ZNF43: variants seen among roughly 807,000 people sequenced by gnomAD.
ZNF43 encodes the protein zinc finger protein 43.
A neutral mutation model predicts 68.4 loss-of-function variants in ZNF43; 44 were observed. The ratio of observed to expected loss-of-function variants is 0.64; its 90% CI spans 0.51 to 0.83. ZNF43 has a LOEUF of 0.83. Ranked by LOEUF, ZNF43 falls within the 40% of genes least tolerant of loss-of-function variation. ZNF43 has a pLI of 0.00. For synonymous variants in ZNF43, 308 were observed against 307.8 expected, an observed-to-expected ratio of 1.00 and a Z score of -0.01; for missense variants, 896 against 933.2, an observed-to-expected ratio of 0.96 and a Z score of 0.52.
At chr19:21,810,545 G>A (rs2037225674) in intron 3 of ZNF43, among the ~76,000 whole-genome samples, 1 of 152,124 alleles carries the variant, frequency 6.6e-6, no homozygotes, top group South Asian at 2.1e-4. Context: ...CACAGACAAA[G>A]GAGACTTAAC....
upstream of ZNF43, chr19:21,841,021 T>C (rs1269959198): frequency 1.3e-5 from 2 of 152,206 alleles, no homozygotes; most frequent in Non-Finnish European, 2.9e-5. Context: ...CGTGTGAGGG[T>C]GACAATGCTA....
chr19:21,826,898 T>C (rs915573192), intron 1 of ZNF43: 1 of 152,444 alleles, frequency 6.6e-6, no homozygotes, highest in Non-Finnish European at 1.5e-5. Context: ...CCGAGAGTTT[T>C]CATCGTGCAT....
chr19:21,819,129 C>T lies in ZNF43; in HGVS notation c.96G>A (p.Val32=), dbSNP rs375346815. The change falls in exon 2 of 4, where the codon GTG becomes GTA. Residue 32 remains valine (V), a synonymous_variant. Transcript: ENST00000354959. ...CCAGGTTTCTGTAGTTCTCTAACAT[C>T]ACATTCCTATATAAATTCTGCTGTG... ...DIAQQNLYRN[V]MLENYRNLVF... is the part of the protein sequence containing the mutation. 6.2e-6 allele frequency: 10 copies of T among 1,611,724 alleles called. No individual in the cohort carries two copies. In the African/African-American group the frequency reaches 9.4e-5, roughly 15 times the overall value.
rs1438714768 is a variant in ZNF43, at chr19:21,817,886, A to G, written c.229+2T>C. On this transcript the variant is annotated splice_donor_variant, in intron 3 of 3. Transcript: ENST00000354959. LOFTEE classifies it high-confidence loss of function. ...GTTGTATTCACTTTCACTCTCACCT[A>G]CCTGGGGGTTTGGCTACCATTTCAT... The G allele has an allele frequency of 6.2e-7, 1 of 1,612,068 alleles. No homozygotes were observed. The highest frequency in any genetic ancestry group is 8.5e-7 in the Non-Finnish European group (1 of 1,178,592).
At position 21,807,880 on chromosome 19, in the gene ZNF43, T is replaced by G; in HGVS notation, c.2157A>C (p.Ser719=). The G allele has an allele frequency of 6.2e-7, 1 of 1,613,286 alleles. No homozygotes were observed. The change falls in exon 4 of 4, where the codon TCA becomes TCC. Residue 719 remains serine (S), a synonymous_variant. Transcript: ENST00000354959. ...GAATTTTCTTATGTTCAATAAGGTT[T>G]GAGGATCGGTTAAAAGCTTTGCCAC... is the stretch of plus-strand genomic sequence containing the variant. ...EKCGKAFNRS[S]NLIEHKKIHT... is the part of the protein sequence containing the mutation.
At position 21,836,052 on chromosome 19, in the gene ZNF43, G is replaced by C. The variant is rs199980670; in HGVS notation, c.-14C>G. On this transcript the variant is annotated 5_prime_UTR_variant, in exon 1 of 4. Coordinates refer to ENST00000354959, the MANE Select transcript of ZNF43 (RefSeq NM_003423.4). ...CACTCTCACCATTTCTAGGCTTCCG[G>C]GGGGTCCTGGCGTCTTAGCTGTGGA... is the stretch of plus-strand genomic sequence containing the variant. 3.7e-4 allele frequency: 594 copies of C among 1,613,942 alleles called. 2 individuals are homozygous for C. The highest frequency in any genetic ancestry group is 8.0e-5 in the Non-Finnish European group (94 of 1,179,842).
intron 1 of ZNF43, among the ~76,000 whole-genome samples, chr19:21,849,129 T>C (rs905583054): frequency 2.6e-5 from 4 of 152,066 alleles, no homozygotes; most frequent in Admixed American, 6.6e-5. Context: ...AAACACAATC[T>C]CACCTGCTTG....
upstream of ZNF43, chr19:21,837,974 T>G (rs1036449724): frequency 3.3e-5 from 5 of 152,226 alleles, no homozygotes; most frequent in Admixed American, 1.3e-4. Context: ...GTCTGGATTC[T>G]TGAGTCCTTG....
intron 1 of ZNF43, among the ~76,000 whole-genome samples, chr19:21,842,961 C>T (rs1372775991): frequency 1.3e-5 from 2 of 151,912 alleles, no homozygotes; most frequent in Non-Finnish European, 2.9e-5. Context: ...TATGTTACAA[C>T]GTCTCCTAGG....
chr19:21,842,953 T>C (rs556562595), intron 1 of ZNF43, among the ~76,000 whole-genome samples: 1 of 150,402 alleles, frequency 6.6e-6, no homozygotes, highest in African/African-American at 2.5e-5. Flanking sequence ...GGCACAGATA[T>C]GTTACAACGT....
In ZNF43 at chr19:21,807,906, A is replaced by G; in HGVS notation, c.2131T>C (p.Cys711Arg). The stretch of plus-strand genomic sequence containing the variant: ...GAGGATCGGTTAAAAGCTTTGCCAC[A>G]TTTTTCACATTTGTAGGGTTTCTCT... Reference protein sequence around the residue: ...TGEKPYKCEKCGKAFNRSSNL... With the variant: ...TGEKPYKCEKRGKAFNRSSNL... The change falls in exon 4 of 4, where the codon TGT (cysteine) becomes CGT (arginine). Residue 711 changes from cysteine (C) to arginine (R), a missense_variant. Transcript: ENST00000354959. The G allele has an allele frequency of 1.2e-6, 2 of 1,612,916 alleles. No individual in the cohort carries two copies. The highest frequency in any genetic ancestry group is 1.1e-5 in the South Asian group (1 of 91,050).
Position 21,809,015 on chromosome 19 carries a change from G to A in ZNF43, c.1022C>T (p.Pro341Leu), listed in dbSNP as rs1482954549. 6.2e-7 allele frequency: 1 copy of A among 1,612,686 alleles called. No homozygotes were observed. Among genetic ancestry groups the A allele is most frequent in the South Asian group, 1.1e-5 (1 of 91,024 alleles). ...TTTGCCACATTCTTCACATGTGTAG[G>A]GTTTCTCTCCAGTATGAATTCTCTT... is the stretch of plus-strand genomic sequence containing the variant. ...KHKRIHTGEKPYTCEECGKAF... is the reference protein window; with the variant it reads ...KHKRIHTGEKLYTCEECGKAF... The change falls in exon 4 of 4, where the codon CCC (proline) becomes CTC (leucine). Residue 341 changes from proline (P) to leucine (L), a missense_variant. Transcript: ENST00000354959.
At chr19:21,825,523 T>A (rs1212397379) in intron 1 of ZNF43, among the ~76,000 whole-genome samples, 1 of 152,306 alleles carries the variant, frequency 6.6e-6, no homozygotes. Context: ...AGTTTTTTTT[T>A]ATTTCTCAAA....
intron 3 of ZNF43, among the ~76,000 whole-genome samples, chr19:21,813,970 C>T (rs1163436762): frequency 6.6e-6 from 1 of 151,994 alleles, no homozygotes; most frequent in Non-Finnish European, 1.5e-5. Context: ...CCATATATTG[C>T]CCAGACTAGT....
In ZNF43 at chr19:21,827,662, AT is replaced by A. The variant is rs74174045; in HGVS notation, c.3+8373del. On this transcript the variant is annotated intron_variant, in intron 1 of 3. Coordinates refer to ENST00000354959, the MANE Select transcript of ZNF43 (RefSeq NM_003423.4). ...CAGGTGTGAGCTACTGCGCCTGGCC[AT>A]TTTTTTTTTTTTTTTGAGATGGAGT... Among the ~76,000 whole-genome samples the A allele has an allele frequency of 4.3e-3, 548 of 128,218 alleles. 2 individuals carry two copies. The highest frequency in any genetic ancestry group is 6.3e-3 in the Non-Finnish European group (387 of 61,020). 84.1% of individuals were successfully genotyped at this position (128,218 alleles called of 152,430 possible).
At chr19:21,822,016 C>A (rs760537348) in intron 1 of ZNF43, among the ~76,000 whole-genome samples, 5 of 152,384 alleles carry the variant, frequency 3.3e-5, no homozygotes, top group Non-Finnish European at 7.3e-5. Flanking sequence ...AAGCTGTCAG[C>A]ACCACCTATT....
intron 1 of ZNF43, among the ~76,000 whole-genome samples, chr19:21,845,660 G>A (rs1037683910): frequency 1.3e-5 from 2 of 152,182 alleles, no homozygotes; most frequent in African/African-American, 4.8e-5. Flanking sequence ...TTGGGAGGCC[G>A]AGGCGGGCAG....
intron 1 of ZNF43, among the ~76,000 whole-genome samples, chr19:21,822,589 A>AGGTC (rs1359253840): frequency 1.3e-5 from 2 of 151,960 alleles, no homozygotes; most frequent in Non-Finnish European, 2.9e-5. Context: ...GTGGATCACA[A>AGGTC]GGTCAGGAGA....
intron 1 of ZNF43, among the ~76,000 whole-genome samples, chr19:21,845,842 G>A (rs374560244): frequency 1.3e-5 from 2 of 150,552 alleles, no homozygotes; most frequent in East Asian, 2.0e-4. Context: ...GTCATGAGCC[G>A]AGATTATGCC....
Sources: allele counts gnomAD v4.1 joint callset (sites outside exome capture counted in the v4.1 genomes callset), GRCh38; gene constraint gnomAD v4.1.1; transcripts MANE v1.5; gene names NCBI Gene and HGNC (gene_info 2026-07-23, HGNC 2026-07-21).